The following CPNE8 variants were observed in gnomAD, a reference collection of about 807,000 sequenced individuals.
CPNE8 encodes the protein copine-8.
In CPNE8, 45 loss-of-function variants were observed where a neutral mutation model predicts 81.5. The observed-to-expected ratio is 0.55, with a 90% CI of 0.44 to 0.71. The LOEUF is 0.71. Among genes scored for constraint, CPNE8 ranks in the 30% least tolerant of loss-of-function variants. The pLI is 0.00. For synonymous variants in CPNE8, 252 were observed against 226.3 expected (o/e 1.11, Z -1.02); for missense variants, 594 against 672.1 (o/e 0.88, Z 1.28).
intron 16 of CPNE8, 118 bp downstream of exon 16, chr12:38,685,372 T>G: frequency 9.1e-7 from 1 of 1,092,982 alleles, no homozygotes; most frequent in Non-Finnish European, 1.3e-6. Flanking sequence ...TTCCCCACTT[T>G]CTTGGAGGTA....
At chr12:38,735,839 A>T (rs867198223) in intron 10 of CPNE8, among the ~76,000 whole-genome samples, 7 of 151,850 alleles carry the variant, frequency 4.6e-5, no homozygotes, top group Non-Finnish European at 8.8e-5. Flanking sequence ...AGCAAAAATA[A>T]TTTTTTCTTC....
At chr12:38,751,739 C>G (rs937011222) in intron 10 of CPNE8, among the ~76,000 whole-genome samples, 4 of 152,090 alleles carry the variant, frequency 2.6e-5, no homozygotes, top group Non-Finnish European at 4.4e-5. Flanking sequence ...ATTTATAACT[C>G]AGATGTTTTT....
At chr12:38,875,915 AT>A (rs1368758483) in intron 1 of CPNE8, among the ~76,000 whole-genome samples, 1 of 152,198 alleles carries the variant, frequency 6.6e-6, no homozygotes, top group Non-Finnish European at 1.5e-5. Context: ...GTGACATTAT[AT>A]TTATTATACA....
At chr12:38,808,644 T>C (rs1190385051) in intron 6 of CPNE8, among the ~76,000 whole-genome samples, 1 of 149,466 alleles carries the variant, frequency 6.7e-6, no homozygotes, top group East Asian at 2.0e-4. Context: ...AGGAGATATA[T>C]CTAATGCTAA....
chr12:38,755,935 G>T (rs1041440881), intron 10 of CPNE8, among the ~76,000 whole-genome samples: 1 of 150,780 alleles, frequency 6.6e-6, no homozygotes, highest in Non-Finnish European at 1.5e-5. Context: ...AGCTACTCGG[G>T]AGGCTGAGGC....
At chr12:38,798,941 A>T (rs1422468024) in intron 6 of CPNE8, among the ~76,000 whole-genome samples, 1 of 152,220 alleles carries the variant, frequency 6.6e-6, no homozygotes, top group African/African-American at 2.4e-5. Flanking sequence ...AAAGATCAAA[A>T]GAGACAAAGA....
intron 1 of CPNE8, among the ~76,000 whole-genome samples, chr12:38,883,387 TATAAA>T (rs1339667829): frequency 1.2e-4 from 19 of 152,140 alleles, no homozygotes; most frequent in South Asian, 2.1e-4. Context: ...CAGAGAAAGA[TATAAA>T]ATAAAAATTA....
At chr12:38,906,036 A>G (rs1944567141), upstream of CPNE8, 2 of 987,120 alleles carry the variant, frequency 2.0e-6, no homozygotes, top group Admixed American at 6.0e-5. Context: ...GTGGACGGGA[A>G]GGTCTCGAAG....
At chr12:38,711,082 G>C (rs1940244615) in intron 13 of CPNE8, among the ~76,000 whole-genome samples, 1 of 152,118 alleles carries the variant, frequency 6.6e-6, no homozygotes, top group Non-Finnish European at 1.5e-5. Flanking sequence ...AAGTTTCTAA[G>C]TTTCGAAGAA....
At chr12:38,659,069 T>C (rs1938891917) in intron 19 of CPNE8, among the ~76,000 whole-genome samples, 1 of 152,060 alleles carries the variant, frequency 6.6e-6, no homozygotes, top group Non-Finnish European at 1.5e-5. Flanking sequence ...TAAATGTAAA[T>C]GGGCTAAATG....
intron 19 of CPNE8, among the ~76,000 whole-genome samples, chr12:38,665,869 A>G (rs996917521): frequency 6.6e-6 from 1 of 152,166 alleles, no homozygotes; most frequent in Non-Finnish European, 1.5e-5. Context: ...AACAGTAAGC[A>G]GGATGGTTAT....
intron 6 of CPNE8, among the ~76,000 whole-genome samples, chr12:38,790,125 T>A (rs1301953101): frequency 6.6e-6 from 1 of 151,646 alleles, no homozygotes; most frequent in Non-Finnish European, 1.5e-5. Context: ...AAAAAAGAAA[T>A]GAAATCAGTA....
In CPNE8 at chr12:38,724,947, AG is replaced by A. The variant is rs747181611; in HGVS notation, c.799-49del. On this transcript the variant is annotated intron_variant, in intron 11 of 19. Coordinates refer to ENST00000331366, the MANE Select transcript of CPNE8 (RefSeq NM_153634.3). ...TAAAATGTGTTAGGTTTTATACCGA[AG>A]TTTTATATTGAATTTTTAAAAATGT... 2.8e-6 allele frequency: 4 copies of A among 1,442,398 alleles called. No individual in the cohort carries two copies. The African/African-American group carries it at 5.7e-5, about 20-fold the overall frequency. The allele number at this position is 1,442,398 out of a possible 1,614,324, so 89.3% of individuals were successfully genotyped here.
At chr12:38,830,268 A>C (rs1393412251) in intron 5 of CPNE8, among the ~76,000 whole-genome samples, 1 of 152,148 alleles carries the variant, frequency 6.6e-6, no homozygotes, top group Non-Finnish European at 1.5e-5. Context: ...AAATGCATAC[A>C]CCTACTATGT....
intron 6 of CPNE8, among the ~76,000 whole-genome samples, chr12:38,799,682 G>T (rs1421802844): frequency 6.6e-6 from 1 of 151,898 alleles, no homozygotes; most frequent in Non-Finnish European, 1.5e-5. Flanking sequence ...AACAGCTCCG[G>T]TCTACAGCTC....
intron 1 of CPNE8, among the ~76,000 whole-genome samples, chr12:38,880,211 T>C (rs943731909): frequency 1.4e-4 from 22 of 152,226 alleles, no homozygotes; most frequent in Non-Finnish European, 5.9e-5. Context: ...AGAATGATTC[T>C]GGTTTTAATT....
chr12:38,867,339 TGAGAGAGAGAGAGAGA>T (rs367740036), intron 3 of CPNE8, among the ~76,000 whole-genome samples: 1 of 122,000 alleles, frequency 8.2e-6, no homozygotes, highest in Non-Finnish European at 1.7e-5. Context: ...TGTGTGTGTG[TGAGAGAGAGAGAGAGA>T]GAGAGAGAGA....
chr12:38,755,612 TAGTG>T (rs561456509), intron 10 of CPNE8, among the ~76,000 whole-genome samples: 50 of 152,134 alleles, frequency 3.3e-4, no homozygotes, highest in African/African-American at 1.1e-3. Flanking sequence ...AAAAAAGAAA[TAGTG>T]AGAAGTATAG....
At chr12:38,706,639 T>A (rs183760735) in intron 13 of CPNE8, among the ~76,000 whole-genome samples, 1 of 152,198 alleles carries the variant, frequency 6.6e-6, no homozygotes, top group Non-Finnish European at 1.5e-5. Context: ...TTTAAGAATA[T>A]ATGTTTTAGC....
Sources: allele counts gnomAD v4.1 joint callset (sites outside exome capture counted in the v4.1 genomes callset), GRCh38; gene constraint gnomAD v4.1.1; transcripts MANE v1.5; gene names NCBI Gene and HGNC (gene_info 2026-07-23, HGNC 2026-07-21).